The following BMPR1A variants were observed in gnomAD, a reference collection of about 807,000 sequenced individuals.
The protein encoded by BMPR1A is bone morphogenetic protein receptor type-1A.
BMPR1A carries 7 observed loss-of-function variants against 66.0 expected under a neutral mutation model. The ratio of observed to expected loss-of-function variants is 0.11; its 90% CI spans 0.06 to 0.20. The LOEUF (loss-of-function observed/expected upper bound fraction) is 0.20, where lower values mean the gene tolerates loss of function less well. BMPR1A is among the 10% of genes least tolerant of loss of function. The pLI, the probability that BMPR1A is intolerant of heterozygous loss-of-function variation, is 1.00. For synonymous variants in BMPR1A, 200 were observed against 229.7 expected, an observed-to-expected ratio of 0.87 and a Z score of 1.17; for missense variants, 408 against 669.1, an observed-to-expected ratio of 0.61 and a Z score of 4.31.
At chr10:86,857,273 G>T (rs1842655273) in intron 2 of BMPR1A, among the ~76,000 whole-genome samples, 1 of 152,102 alleles carries the variant, frequency 6.6e-6, no homozygotes, top group East Asian at 1.9e-4. Flanking sequence ...TGAGTCAATT[G>T]TTAGCATAAT....
chr10:86,776,284 G>A (rs1841346734), intron 1 of BMPR1A, among the ~76,000 whole-genome samples: 1 of 152,174 alleles, frequency 6.6e-6, no homozygotes, highest in African/African-American at 2.4e-5. Context: ...AATGCTTTGA[G>A]TTGCCTGCAG....
intron 1 of BMPR1A, among the ~76,000 whole-genome samples, chr10:86,792,087 T>A (rs896722934): frequency 2.4e-5 from 3 of 125,654 alleles, no homozygotes; most frequent in East Asian, 6.0e-4. Flanking sequence ...TTTTTTTTTT[T>A]AGATGGACTC....
At chr10:86,792,134 C>T (rs966722410) in intron 1 of BMPR1A, among the ~76,000 whole-genome samples, 4 of 122,894 alleles carry the variant, frequency 3.3e-5, no homozygotes, top group Non-Finnish European at 6.4e-5. Context: ...GTGGCATGAT[C>T]TCTGCTCACT....
At chr10:86,907,295 C>A (rs1843409907) in intron 7 of BMPR1A, among the ~76,000 whole-genome samples, 1 of 152,198 alleles carries the variant, frequency 6.6e-6, no homozygotes. Context: ...AGATATCAAC[C>A]TCACCCCAAT....
chr10:86,780,521 G>A (rs1052904560), intron 1 of BMPR1A, among the ~76,000 whole-genome samples: 4 of 151,698 alleles, frequency 2.6e-5, no homozygotes, highest in South Asian at 2.1e-4. Flanking sequence ...TGCAACCTCC[G>A]CCTCCCAGGT....
At chr10:86,873,193 G>A (rs1842874526) in intron 2 of BMPR1A, among the ~76,000 whole-genome samples, 1 of 152,160 alleles carries the variant, frequency 6.6e-6, no homozygotes, top group African/African-American at 2.4e-5. Flanking sequence ...ACAAGGCATA[G>A]CGGTCAGTCT....
At chr10:86,905,511 TG>T (rs1017789445) in intron 7 of BMPR1A, among the ~76,000 whole-genome samples, 1 of 152,238 alleles carries the variant, frequency 6.6e-6, no homozygotes, top group African/African-American at 2.4e-5. Context: ...GATGATCAAC[TG>T]GCTGGCTGTT....
chr10:86,833,363 A>C (rs959691229), intron 1 of BMPR1A, among the ~76,000 whole-genome samples: 1 of 152,214 alleles, frequency 6.6e-6, no homozygotes, highest in African/African-American at 2.4e-5. Flanking sequence ...TCCAATGAAT[A>C]GAGGTAAGAA....
chr10:86,908,513 A>G lies in BMPR1A; in HGVS notation c.531-3727A>G, dbSNP rs1267380410. On this transcript the variant is annotated intron_variant, in intron 7 of 12. Coordinates refer to ENST00000372037, the MANE Select transcript of BMPR1A (RefSeq NM_004329.3). The stretch of plus-strand genomic sequence containing the variant: ...TGCCTTCAATGCCTCACAAGTTTCA[A>G]ATTCCTTCAGTGATGGGCTGCTGTT... 3.9e-5 allele frequency among the ~76,000 whole-genome samples: 6 copies of G among 152,132 alleles called. No homozygotes were observed. The East Asian group carries it at 5.8e-4, about 15-fold the overall frequency.
chr10:86,773,253 A>G (rs1451805575), intron 1 of BMPR1A, among the ~76,000 whole-genome samples: 2 of 151,792 alleles, frequency 1.3e-5, no homozygotes, highest in Non-Finnish European at 2.9e-5. Flanking sequence ...ACTAAAATAT[A>G]ATAAGATGTA....
At chr10:86,831,810 T>TTA (rs1322232114) in intron 1 of BMPR1A, among the ~76,000 whole-genome samples, 11 of 152,166 alleles carry the variant, frequency 7.2e-5, no homozygotes, top group African/African-American at 1.9e-4. Context: ...AGTGTCTTTT[T>TTA]TGGTGCATAG....
At chr10:86,828,152 A>T (rs543026684) in intron 1 of BMPR1A, among the ~76,000 whole-genome samples, 1 of 152,182 alleles carries the variant, frequency 6.6e-6, no homozygotes, top group Admixed American at 6.6e-5. Flanking sequence ...ACTCTGTCTC[A>T]AGGAAAAAAT....
intron 1 of BMPR1A, among the ~76,000 whole-genome samples, chr10:86,836,216 A>G (rs964622042): frequency 6.6e-6 from 1 of 152,186 alleles, no homozygotes; most frequent in Non-Finnish European, 1.5e-5. Context: ...TGTTTGGAAC[A>G]TTTTGCTCAT....
rs757863292 is a variant in BMPR1A at position 86,919,483 on chromosome 10, T to C, written c.1166+14T>C. The C allele has an allele frequency of 1.2e-6, 2 of 1,612,882 alleles. No homozygotes were observed. Among genetic ancestry groups the C allele is most frequent in the South Asian group, 2.2e-5 (2 of 91,028 alleles). On this transcript the variant is annotated intron_variant, in intron 10 of 12. Transcript: ENST00000372037. ...TAAATTCAACAGGTGAGTGGTTCTTTGCCCCACTGTTTTGAAATTATTTTA... is the reference window on the plus strand; with the variant it reads ...TAAATTCAACAGGTGAGTGGTTCTTCGCCCCACTGTTTTGAAATTATTTTA...
At chr10:86,861,120 C>T (rs530893148) in intron 2 of BMPR1A, among the ~76,000 whole-genome samples, 6 of 152,136 alleles carry the variant, frequency 3.9e-5, no homozygotes, top group Non-Finnish European at 5.9e-5. Context: ...GGATTACAGG[C>T]GTGAGCCACC....
At chr10:86,758,690 T>G (rs917943238) in intron 1 of BMPR1A, among the ~76,000 whole-genome samples, 2 of 152,230 alleles carry the variant, frequency 1.3e-5, no homozygotes, top group Non-Finnish European at 2.9e-5. Flanking sequence ...ACAATCCATC[T>G]CTAGAGATTG....
chr10:86,880,368 C>T (rs1008571607), intron 3 of BMPR1A, among the ~76,000 whole-genome samples: 12 of 152,260 alleles, frequency 7.9e-5, no homozygotes, highest in East Asian at 3.9e-4. Flanking sequence ...TAGAAAATGA[C>T]CTGCTTTATT....
chr10:86,906,986 A>G (rs1456178610), intron 7 of BMPR1A, among the ~76,000 whole-genome samples: 1 of 152,002 alleles, frequency 6.6e-6, no homozygotes, highest in African/African-American at 2.4e-5. Context: ...GAGCTCATCA[A>G]ACATTCTTCA....
intron 2 of BMPR1A, among the ~76,000 whole-genome samples, chr10:86,841,817 A>G (rs1244500451): frequency 6.6e-6 from 1 of 152,168 alleles, no homozygotes. Flanking sequence ...GCGAAGGTTA[A>G]GTTGATCACC....
Sources: gnomAD v4.1 joint callset for allele counts (sites outside exome capture counted in the v4.1 genomes callset) on GRCh38, gnomAD v4.1.1 for gene constraint, MANE v1.5 for transcripts, NCBI Gene and HGNC (gene_info 2026-07-23, HGNC 2026-07-21) for gene names.